ATAD5: variants seen among roughly 807,000 people sequenced by gnomAD.
The protein encoded by ATAD5 is ATPase family AAA domain containing 5.
ATAD5 carries 58 observed loss-of-function variants against 176.9 expected under a neutral mutation model. The observed-to-expected ratio is 0.33, with a 90% CI of 0.27 to 0.41. The LOEUF (loss-of-function observed/expected upper bound fraction) is 0.41. Among genes scored for constraint, ATAD5 ranks in the 10% least tolerant of loss-of-function variants. ATAD5 has a pLI of 1.00. For missense variants in ATAD5, 1,789 were observed against 2,094.1 expected, an observed-to-expected ratio of 0.85 and a Z score of 2.84; for synonymous variants, 640 against 712.6, an observed-to-expected ratio of 0.90 and a Z score of 1.62.
chr17:30,887,578 G>C (rs1403513174), intron 19 of ATAD5, among the ~76,000 whole-genome samples: 1 of 152,074 alleles, frequency 6.6e-6, no homozygotes, highest in Non-Finnish European at 1.5e-5. Flanking sequence ...GGAGGCCAAG[G>C]TGGGAGGATC....
Position 30,893,640 on chromosome 17 carries a change from C to T in ATAD5, c.4787C>T (p.Ser1596Leu). Residue 1596 changes from serine (S) to leucine (L), a missense_variant, in exon 21 of 23, where the codon TCA becomes TTA. Ser to Leu is a moderately radical substitution (Grantham distance 145, BLOSUM62 -2). Coordinates refer to ENST00000321990, the MANE Select transcript of ATAD5 (RefSeq NM_024857.5). Reference sequence around the variant, plus strand: ...CAATCTATTAGCCTGTCCTCTGTATCATCTTCCTCAAATGCAGAAGAAAGC... The same window carrying T: ...CAATCTATTAGCCTGTCCTCTGTATTATCTTCCTCAAATGCAGAAGAAAGC... ...PDQSISLSSV[S>L]SSSNAEESKT... The T allele has an allele frequency of 6.2e-7, 1 of 1,613,814 alleles. No individual in the cohort carries two copies. Among genetic ancestry groups the T allele is most frequent in the Non-Finnish European group, 8.5e-7 (1 of 1,179,900 alleles).
At chr17:30,871,497 G>A (rs1309748639) in intron 14 of ATAD5, among the ~76,000 whole-genome samples, 4 of 151,400 alleles carry the variant, frequency 2.6e-5, no homozygotes, top group African/African-American at 4.9e-5. Flanking sequence ...ATAGGCAACC[G>A]CCACCACGCC....
At position 30,835,263 on chromosome 17, in the gene ATAD5, A is replaced by C; in HGVS notation, c.1182A>C (p.Lys394Asn). The change falls in exon 2 of 23, where the codon AAA becomes AAC. Residue 394 changes from lysine to asparagine, a missense_variant. This residue lies in a region of ATAD5 where 696 missense variants were observed against 712.5 expected (regional missense o/e 0.98). Transcript: ENST00000321990. ...GAAGTTCTGAAGCTGTGAAACCAAAATGCACTCTAGAAGAAAGACAGCAAT... is the reference window on the plus strand; with the variant it reads ...GAAGTTCTGAAGCTGTGAAACCAAACTGCACTCTAGAAGAAAGACAGCAAT... ...EAGSSEAVKP[K>N]CTLEERQQFM... The C allele has an allele frequency of 6.2e-7, 1 of 1,614,158 alleles. No individual in the cohort carries two copies. Among genetic ancestry groups the C allele is most frequent in the Non-Finnish European group, 8.5e-7 (1 of 1,180,022 alleles).
chr17:30,894,809 T>C, intron 22 of ATAD5, 26 bp from the exon 23 acceptor site: 1 of 1,566,764 alleles, frequency 6.4e-7, no homozygotes, highest in Non-Finnish European at 8.6e-7. Context: ...AATATTAAAT[T>C]GTATTTTTCT....
At chr17:30,841,282 C>T (rs1906096671) in intron 4 of ATAD5, among the ~76,000 whole-genome samples, 1 of 152,040 alleles carries the variant, frequency 6.6e-6, no homozygotes, top group African/African-American at 2.4e-5. Context: ...GGTGCCAGCC[C>T]TCTTGCCTTT....
chr17:30,850,348 T>C (rs898697287), intron 6 of ATAD5, among the ~76,000 whole-genome samples: 1 of 150,956 alleles, frequency 6.6e-6, no homozygotes, highest in South Asian at 2.1e-4. Context: ...TACTCTCTAC[T>C]TCTATGAGAC....
intron 10 of ATAD5, among the ~76,000 whole-genome samples, chr17:30,860,834 C>G (rs1348425774): frequency 6.6e-6 from 1 of 152,128 alleles, no homozygotes; most frequent in Non-Finnish European, 1.5e-5. Flanking sequence ...CCCTCCACCT[C>G]CTGGGTTCAG....
Position 30,894,170 on chromosome 17 carries a change from C to T in ATAD5, c.5297+20C>T. The T allele has an allele frequency of 6.7e-7, 1 of 1,503,098 alleles. No homozygotes were observed. The highest frequency in any genetic ancestry group is 1.4e-5 in the South Asian group (1 of 73,930). 93.1% of individuals were successfully genotyped at this position (1,503,098 alleles called of 1,614,324 possible). A position where few individuals can be genotyped will look rare whatever the true frequency, so the allele number is the denominator to read the frequency against. On this transcript the variant is annotated intron_variant, in intron 21 of 22. Coordinates refer to ENST00000321990, the MANE Select transcript of ATAD5 (RefSeq NM_024857.5). ...TTTAGAGTAAGTCTTACTTCCTTTACTTTTTATTTTTTGGTAATAAATCGT... is the reference window on the plus strand; with the variant it reads ...TTTAGAGTAAGTCTTACTTCCTTTATTTTTTATTTTTTGGTAATAAATCGT...
intron 14 of ATAD5, among the ~76,000 whole-genome samples, chr17:30,873,559 C>A (rs1908463143): frequency 6.6e-6 from 1 of 152,018 alleles, no homozygotes; most frequent in South Asian, 2.1e-4. Flanking sequence ...CTCAGGTGAT[C>A]CATCTGCCTT....
chr17:30,837,231 C>A lies in ATAD5; in HGVS notation c.1993C>A (p.Pro665Thr). Residue 665 changes from proline (P) to threonine (T), a missense_variant, in exon 3 of 23, where the codon CCC becomes ACC. This residue lies in a region of ATAD5 where 487 missense variants were observed against 573.6 expected (regional missense o/e 0.85). Coordinates refer to ENST00000321990, the MANE Select transcript of ATAD5 (RefSeq NM_024857.5). ...AATGAAATTCACCAGAATTAGTACT[C>A]CCAAAAAATCTAAGAAAAAATCTAA... Reference protein sequence around the residue: ...IRMKFTRISTPKKSKKKSNKR... With the variant: ...IRMKFTRISTTKKSKKKSNKR... 6.4e-7 allele frequency: 1 copy of A among 1,562,820 alleles called. No homozygotes were observed. The highest frequency in any genetic ancestry group is 1.2e-5 in the South Asian group (1 of 82,040).
In ATAD5 at chr17:30,894,816, T is replaced by A. The variant is rs752554449; in HGVS notation, c.5457-19T>A. 3.8e-6 allele frequency: 6 copies of A among 1,574,122 alleles called. No homozygotes were observed. Among genetic ancestry groups the A allele is most frequent in the Non-Finnish European group, 2.6e-6 (3 of 1,164,382 alleles). On this transcript the variant is annotated intron_variant, in intron 22 of 22. Transcript: ENST00000321990. ...AAAATGTTAATATTAAATTGTATTT[T>A]TCTTTGTAATTTTGACAGATTCCTG...
At chr17:30,850,869 ATTTTTTTTTTTTTTTTTTTT>A (rs58433358) in intron 6 of ATAD5, among the ~76,000 whole-genome samples, 1 of 14,782 alleles carries the variant, frequency 6.8e-5, no homozygotes, top group African/African-American at 2.3e-4. Context: ...ATATATATAT[ATTTTTTTTTTTTTTTTTTTT>A]TTTTTTTTTT....
intron 1 of ATAD5, among the ~76,000 whole-genome samples, chr17:30,833,688 T>C (rs1448785521): frequency 6.6e-6 from 1 of 152,156 alleles, no homozygotes; most frequent in Non-Finnish European, 1.5e-5. Flanking sequence ...TATGGTTTCT[T>C]TTTGTTTTTT....
intron 18 of ATAD5, among the ~76,000 whole-genome samples, chr17:30,884,165 C>CT (rs1000973914): frequency 6.7e-4 from 95 of 141,702 alleles, no homozygotes; most frequent in Middle Eastern, 3.7e-3. Context: ...TTGTGACCGG[C>CT]TTTTTTTTTT....
chr17:30,834,966 T>C lies in ATAD5; in HGVS notation c.885T>C (p.Thr295=), dbSNP rs778502801. 5 of 1,613,920 alleles carry C rather than the reference T, an allele frequency of 3.1e-6. No homozygotes were observed. The African/African-American group carries it at 6.7e-5, about 22-fold the overall frequency. ...TGTCAATTTGTGTTCCTTCTGAAACTGTCGACGAAATAGTCAAAAGTGGTT... is the reference window on the plus strand; with the variant it reads ...TGTCAATTTGTGTTCCTTCTGAAACCGTCGACGAAATAGTCAAAAGTGGTT... ...STMSICVPSE[T]VDEIVKSGYI... Residue 295 remains threonine, a synonymous_variant, in exon 2 of 23, where the codon ACT becomes ACC. Coordinates refer to ENST00000321990, the MANE Select transcript of ATAD5 (RefSeq NM_024857.5).
chr17:30,883,123 G>A (rs368360918), intron 18 of ATAD5, among the ~76,000 whole-genome samples: 1 of 139,330 alleles, frequency 7.2e-6, no homozygotes. Context: ...ATAAACACCA[G>A]ATTTTTTTTT....
At chr17:30,853,309 C>T (rs1907080510) in intron 6 of ATAD5, among the ~76,000 whole-genome samples, 1 of 151,800 alleles carries the variant, frequency 6.6e-6, no homozygotes, top group African/African-American at 2.4e-5. Flanking sequence ...TATGTATATG[C>T]ATGTAATATA....
intron 7 of ATAD5, 30 bp from the exon 8 acceptor site, chr17:30,856,925 T>A: frequency 2.0e-6 from 3 of 1,537,514 alleles, no homozygotes; most frequent in Non-Finnish European, 1.7e-6. Flanking sequence ...TAAATAAGGT[T>A]TATTAAGATA....
Position 30,894,614 on chromosome 17 carries a change from C to T in ATAD5, c.5348C>T (p.Ser1783Phe). Residue 1783 changes from serine to phenylalanine, a missense_variant, in exon 22 of 23, where the codon TCT (serine) becomes TTT (phenylalanine). Transcript: ENST00000321990. Reference sequence around the variant, plus strand: ...ATTAAAAGTGTATTTTCGAGTCGATCTCTTCTCTATGTGGGTAATAGACAA... The same window carrying T: ...ATTAAAAGTGTATTTTCGAGTCGATTTCTTCTCTATGTGGGTAATAGACAA... ...SVIKSVFSSR[S>F]LLYVGNRQAS... The T allele has an allele frequency of 6.2e-7, 1 of 1,613,260 alleles. No homozygotes were observed. The highest frequency in any genetic ancestry group is 8.5e-7 in the Non-Finnish European group (1 of 1,179,600).
Sources: gnomAD v4.1 joint callset for allele counts (sites outside exome capture counted in the v4.1 genomes callset) on GRCh38, gnomAD v4.1.1 for gene constraint, gnomAD v4.1.1 regional missense constraint, MANE v1.5 for transcripts, NCBI Gene and HGNC (gene_info 2026-07-23, HGNC 2026-07-21) for gene names.